Variants in TRPM2 observed in about 807,000 individuals in gnomAD.
TRPM2 encodes estrogen-responsive element-associated gene 1 protein.
A neutral mutation model predicts 174.0 loss-of-function variants in TRPM2; 161 were observed. The observed-to-expected ratio is 0.93, with a 90% CI of 0.81 to 1.05. The LOEUF is 1.05. Among genes scored for constraint, TRPM2 ranks in the 50% least tolerant of loss-of-function variants. The pLI is 0.00. For synonymous variants in TRPM2, 954 were observed against 861.3 expected (o/e 1.11, Z -1.88); for missense variants, 2,057 against 2,038.0 (o/e 1.01, Z -0.18).
rs1329440219 is a variant in TRPM2, at chr21:44,369,518, C to A, written c.771+175C>A. ...GGCCGGGGTGTGGGTGACGTCTGAC[C>A]GGGTGCTGCGGGGAGCAGGTGGAGT... On this transcript the variant is annotated intron_variant, in intron 5 of 31. Coordinates refer to ENST00000397928, the MANE Select transcript of TRPM2 (RefSeq NM_003307.4). 2.1e-5 allele frequency among the ~76,000 whole-genome samples: 2 copies of A among 95,002 alleles called. 1 individual carries two copies. Among genetic ancestry groups the A allele is most frequent in the Non-Finnish European group, 4.2e-5 (2 of 48,106 alleles). The allele number at this position is 95,002 out of a possible 152,430, so 62.3% of individuals were successfully genotyped here. A position where few individuals can be genotyped will look rare whatever the true frequency, so the allele number is the denominator to read the frequency against.
rs2047994019 is a variant in TRPM2, at chr21:44,354,207, G to C, written c.165+342G>C. 6.6e-6 allele frequency among the ~76,000 whole-genome samples: 1 copy of C among 152,208 alleles called. No homozygotes were observed. The highest frequency in any genetic ancestry group is 2.1e-4 in the South Asian group (1 of 4,834). On this transcript the variant is annotated intron_variant, in intron 1 of 31. Coordinates refer to ENST00000397928, the MANE Select transcript of TRPM2 (RefSeq NM_003307.4). The surrounding 1 kb of genome is among the most constrained non-coding windows in gnomAD (Gnocchi z 4.3). ...ATTGGGAGGGCCTGGGCCTGGGCTA[G>C]CTTTCCCCAAAGCCCTGGATACAAA...
At chr21:44,372,037 GC>G (rs1197219000) in intron 5 of TRPM2, among the ~76,000 whole-genome samples, 2 of 152,186 alleles carry the variant, frequency 1.3e-5, no homozygotes, top group African/African-American at 4.8e-5. Flanking sequence ...CAGAAGAATT[GC>G]TTGAACCCAG....
At chr21:44,389,417 G>A (rs1179978955) in intron 9 of TRPM2, among the ~76,000 whole-genome samples, 1 of 152,148 alleles carries the variant, frequency 6.6e-6, no homozygotes, top group Non-Finnish European at 1.5e-5. Flanking sequence ...CAATATCTAG[G>A]AGTGGAATTA....
At chr21:44,394,280 T>TTATCTGTACC (rs1316181992) in intron 11 of TRPM2, among the ~76,000 whole-genome samples, 1 of 151,420 alleles carries the variant, frequency 6.6e-6, no homozygotes, top group Non-Finnish European at 1.5e-5. Flanking sequence ...AATCTCAAGC[T>TTATCTGTACC]TATCTGTACC....
At chr21:44,405,662 A>C (rs114293775) in intron 17 of TRPM2, among the ~76,000 whole-genome samples, 1,599 of 152,200 alleles carry the variant, frequency 0.011, 31 homozygotes, top group African/African-American at 0.035. Flanking sequence ...GCCCTGGCTA[A>C]CTGCTGGCTC....
chr21:44,356,890 T>A (rs1387340457), intron 2 of TRPM2, among the ~76,000 whole-genome samples: 1 of 152,222 alleles, frequency 6.6e-6, no homozygotes, highest in Non-Finnish European at 1.5e-5. Context: ...TGCCATGGCA[T>A]CTGCCAACTG....
chr21:44,381,239 C>A (rs1010709108), intron 8 of TRPM2, among the ~76,000 whole-genome samples: 10 of 151,870 alleles, frequency 6.6e-5, no homozygotes, highest in African/African-American at 2.4e-4. Context: ...CCTGGGGAGC[C>A]AGAGGGAGAA....
intron 9 of TRPM2, among the ~76,000 whole-genome samples, chr21:44,384,502 G>A (rs2048967680): frequency 6.6e-6 from 1 of 152,162 alleles, no homozygotes; most frequent in Non-Finnish European, 1.5e-5. Flanking sequence ...GAAAGCAAGA[G>A]GGAGCTAAAC....
chr21:44,351,242 G>C (rs2122996818), upstream of TRPM2, among the ~76,000 whole-genome samples: 1 of 152,218 alleles, frequency 6.6e-6, no homozygotes, highest in African/African-American at 2.4e-5. Flanking sequence ...ATTCGGCCTA[G>C]GTGATGGTGG....
At chr21:44,359,126 A>T (rs956402108) in intron 2 of TRPM2, among the ~76,000 whole-genome samples, 1 of 151,728 alleles carries the variant, frequency 6.6e-6, no homozygotes, top group Non-Finnish European at 1.5e-5. Context: ...TTTACAGAGC[A>T]CTGCTTGGTC....
chr21:44,364,492 G>C (rs2048303080), intron 3 of TRPM2, among the ~76,000 whole-genome samples: 1 of 152,218 alleles, frequency 6.6e-6, no homozygotes, highest in African/African-American at 2.4e-5. Flanking sequence ...TTGGCCATCT[G>C]CAAAGCAGGG....
chr21:44,366,614 GGA>G lies in TRPM2; in HGVS notation c.424-139_424-138del. 5 of 1,090,910 alleles carry G rather than the reference GGA, an allele frequency of 4.6e-6. No individual in the cohort carries two copies. The highest frequency in any genetic ancestry group is 6.6e-6 in the Non-Finnish European group (5 of 756,604). The allele number at this position is 1,090,910 out of a possible 1,614,324, so 67.6% of individuals were successfully genotyped here. A position where few individuals can be genotyped will look rare whatever the true frequency, so the allele number is the denominator to read the frequency against. On this transcript the variant is annotated intron_variant, in intron 3 of 31. Transcript: ENST00000397928. This position sits in a 1 kb window ranked among gnomAD's most constrained non-coding sequence, Gnocchi z 6.0. Reference sequence around the variant, plus strand: ...CGTGATCTGTGCCCTGCCCACATGGGGACCCCTTTTCTGGGTCTGAGCCGGAA... The same window carrying G: ...CGTGATCTGTGCCCTGCCCACATGGGCCCCTTTTCTGGGTCTGAGCCGGAA...
In TRPM2 at chr21:44,353,873, T is replaced by C. The variant is rs200822211; in HGVS notation, c.165+8T>C. On this transcript the variant is annotated splice_region_variant and intron_variant, in intron 1 of 31. Coordinates refer to ENST00000397928, the MANE Select transcript of TRPM2 (RefSeq NM_003307.4). ...TTCGGCAACAATGACAAGGTAGGCTTTCTGCTGGTCAGCCTGCAGTTGGCA... is the reference window on the plus strand; with the variant it reads ...TTCGGCAACAATGACAAGGTAGGCTCTCTGCTGGTCAGCCTGCAGTTGGCA... 6.3e-7 allele frequency: 1 copy of C among 1,598,274 alleles called. No individual in the cohort carries two copies. Among genetic ancestry groups the C allele is most frequent in the East Asian group, 2.3e-5 (1 of 43,176 alleles).
At chr21:44,365,072 G>C (rs139011302) in intron 3 of TRPM2, among the ~76,000 whole-genome samples, 1 of 152,000 alleles carries the variant, frequency 6.6e-6, no homozygotes. Flanking sequence ...TCTGAGACTC[G>C]CGTGTTGACC....
At chr21:44,436,193 T>C (rs1187914101) in intron 28 of TRPM2, among the ~76,000 whole-genome samples, 1 of 152,300 alleles carries the variant, frequency 6.6e-6, no homozygotes, top group Non-Finnish European at 1.5e-5. Context: ...TCTGTGCAGG[T>C]GCAGACGCCT....
intron 2 of TRPM2, among the ~76,000 whole-genome samples, chr21:44,360,014 G>A (rs562954794): frequency 1.3e-5 from 2 of 152,080 alleles, no homozygotes; most frequent in African/African-American, 4.8e-5. Context: ...CCAAAGTGCT[G>A]GGATTACAGG....
In TRPM2 at chr21:44,427,103, G is replaced by A; in HGVS notation, c.3966G>A (p.Gly1322=). ...ACGGGCCGTACACAGTGCAGGCCGG[G>A]TTGCCCCTGTGAGTGTGCCCCCTGC... is the stretch of plus-strand genomic sequence containing the variant. ...SFHGPYTVQA[G]LPLNPMGRTG... The change falls in exon 27 of 32, where the codon GGG becomes GGA. Residue 1322 remains glycine, a synonymous_variant. Transcript: ENST00000397928. 6.3e-7 allele frequency: 1 copy of A among 1,591,240 alleles called. No individual in the cohort carries two copies. Among genetic ancestry groups the A allele is most frequent in the Non-Finnish European group, 8.6e-7 (1 of 1,169,242 alleles).
intron 11 of TRPM2, among the ~76,000 whole-genome samples, chr21:44,393,726 T>C (rs577664643): frequency 1.5e-4 from 23 of 152,164 alleles, no homozygotes; most frequent in African/African-American, 5.3e-4. Context: ...ATTATTTTTC[T>C]GTTTAGGTTC....
chr21:44,390,794 T>G, intron 9 of TRPM2, 110 bp from the exon 10 acceptor site: 1 of 1,460,764 alleles, frequency 6.8e-7, no homozygotes, highest in Non-Finnish European at 9.4e-7. Context: ...CACTTTGAAT[T>G]GTTGAGAGGC....
Sources: gnomAD v4.1 joint callset for allele counts (sites outside exome capture counted in the v4.1 genomes callset) on GRCh38, gnomAD v4.1.1 for gene constraint, Gnocchi (gnomAD v3.1) non-coding constraint, MANE v1.5 for transcripts, NCBI Gene and HGNC (gene_info 2026-07-23, HGNC 2026-07-21) for gene names.